The following UVRAG variants were observed in gnomAD, a reference collection of about 807,000 sequenced individuals.
UVRAG encodes UV radiation resistance associated, also known as UV radiation resistance-associated gene protein.
UVRAG carries 19 observed loss-of-function variants against 78.0 expected under a neutral mutation model. The observed-to-expected ratio is 0.24, with a 90% CI of 0.17 to 0.36. UVRAG has a LOEUF of 0.36. Ranked by LOEUF, UVRAG falls within the 10% of genes least tolerant of loss-of-function variation. The pLI is 1.00. For synonymous variants in UVRAG, 323 were observed against 324.6 expected, an observed-to-expected ratio of 1.00 and a Z score of 0.05; for missense variants, 740 against 853.8, an observed-to-expected ratio of 0.87 and a Z score of 1.66.
At chr11:75,819,735 G>A (rs1420158295) in intron 1 of UVRAG, among the ~76,000 whole-genome samples, 7 of 151,862 alleles carry the variant, frequency 4.6e-5, no homozygotes, top group Non-Finnish European at 1.0e-4. Context: ...TTGGGAGGCC[G>A]AGGCAGGCTG....
At chr11:76,003,336 A>T (rs1406542955) in intron 8 of UVRAG, among the ~76,000 whole-genome samples, 5 of 115,850 alleles carry the variant, frequency 4.3e-5, no homozygotes, top group African/African-American at 1.7e-4. Flanking sequence ...CAGTGTCATG[A>T]TCTTGGCTCA....
rs111534356 is a variant in UVRAG, at chr11:76,069,086, A to T, written c.1305+3298A>T. On this transcript the variant is annotated intron_variant, in intron 13 of 14. Coordinates refer to ENST00000356136, the MANE Select transcript of UVRAG (RefSeq NM_003369.4). ...GTCAATAGGACCTTTCATCACAACC[A>T]GAAGTAGTAGTAAAATCACTTTTTT... 1.7e-3 allele frequency among the ~76,000 whole-genome samples: 261 copies of T among 152,376 alleles called. 1 individual carries two copies. Among genetic ancestry groups the T allele is most frequent in the African/African-American group, 6.0e-3 (250 of 41,594 alleles).
intron 6 of UVRAG, among the ~76,000 whole-genome samples, chr11:75,949,064 G>A (rs1048496474): frequency 6.6e-6 from 1 of 152,186 alleles, no homozygotes; most frequent in Non-Finnish European, 1.5e-5. Flanking sequence ...TAAGAAACCA[G>A]TTAGGGGCTA....
At chr11:76,017,788 G>A (rs954792007) in intron 12 of UVRAG, among the ~76,000 whole-genome samples, 13 of 152,076 alleles carry the variant, frequency 8.5e-5, no homozygotes, top group Non-Finnish European at 1.3e-4. Context: ...TATACCCAGT[G>A]AAAATATTAT....
chr11:75,952,902 A>G (rs577042853), intron 6 of UVRAG, among the ~76,000 whole-genome samples: 1 of 152,184 alleles, frequency 6.6e-6, no homozygotes, highest in Admixed American at 6.5e-5. Flanking sequence ...CCTATGTGAG[A>G]AAATTTTTAA....
chr11:75,982,323 C>T (rs1230930692), intron 7 of UVRAG, among the ~76,000 whole-genome samples: 1 of 152,146 alleles, frequency 6.6e-6, no homozygotes, highest in Admixed American at 6.5e-5. Context: ...TAATACTGGC[C>T]AGGAGTGGCT....
chr11:75,935,072 T>C (rs1948339974), intron 6 of UVRAG: 1 of 152,216 alleles, frequency 6.6e-6, no homozygotes, highest in Non-Finnish European at 1.5e-5. Flanking sequence ...AAAGGTATTA[T>C]GATGTAGGGC....
intron 6 of UVRAG, among the ~76,000 whole-genome samples, chr11:75,948,941 C>T (rs982840111): frequency 4.6e-5 from 7 of 152,074 alleles, no homozygotes. Flanking sequence ...ATAAGGCAGG[C>T]GTTCTGGATG....
At chr11:75,963,293 ATT>A (rs1182885173) in intron 7 of UVRAG, among the ~76,000 whole-genome samples, 1 of 152,242 alleles carries the variant, frequency 6.6e-6, no homozygotes. Context: ...TATTTGTTGA[ATT>A]TAAGAATGAA....
In UVRAG at chr11:75,867,464, A is replaced by G. The variant is rs1946562371; in HGVS notation, c.270+5684A>G. 8.5e-5 allele frequency among the ~76,000 whole-genome samples: 13 copies of G among 152,222 alleles called. No homozygotes were observed. The South Asian group carries it at 2.5e-3, about 29-fold the overall frequency. On this transcript the variant is annotated intron_variant, in intron 3 of 14. Coordinates refer to ENST00000356136, the MANE Select transcript of UVRAG (RefSeq NM_003369.4). ...AAGATTCATTTATTTTTTGGGACGTATTTGTGGTTTGTTTGCTCTATAATA... is the reference window on the plus strand; with the variant it reads ...AAGATTCATTTATTTTTTGGGACGTGTTTGTGGTTTGTTTGCTCTATAATA...
At chr11:76,122,430 A>G (rs539315842) in intron 14 of UVRAG, among the ~76,000 whole-genome samples, 19 of 152,344 alleles carry the variant, frequency 1.2e-4, no homozygotes, top group African/African-American at 4.6e-4. Context: ...TGCCTGCCTC[A>G]ATCCCTTTCC....
chr11:76,140,624 A>C (rs912708877), intron 14 of UVRAG, 87 bp from the exon 15 acceptor site: 1 of 1,286,978 alleles, frequency 7.8e-7, no homozygotes, highest in Non-Finnish European at 1.1e-6. Context: ...CTCAGACCTA[A>C]GTATGCTGTT....
At chr11:75,888,329 A>G (rs72999555) in intron 4 of UVRAG, among the ~76,000 whole-genome samples, 1,793 of 152,020 alleles carry the variant, frequency 0.012, 25 homozygotes, top group Non-Finnish European at 0.014. Context: ...TTATTTGTAG[A>G]GAAGAGGTCT....
At chr11:76,020,078 A>G (rs951980892) in intron 12 of UVRAG, among the ~76,000 whole-genome samples, 2 of 152,016 alleles carry the variant, frequency 1.3e-5, no homozygotes, top group Non-Finnish European at 2.9e-5. Context: ...CCCTCTCCTT[A>G]TTATACGCAG....
intron 1 of UVRAG, among the ~76,000 whole-genome samples, chr11:75,826,191 C>G (rs1443102855): frequency 4.0e-5 from 6 of 150,068 alleles, no homozygotes; most frequent in African/African-American, 1.2e-4. Flanking sequence ...GAGTCTTGCT[C>G]TGTCGCTAGG....
chr11:76,062,467 T>C (rs747742870), intron 12 of UVRAG, among the ~76,000 whole-genome samples: 16 of 152,272 alleles, frequency 1.1e-4, no homozygotes, highest in East Asian at 3.9e-4. Context: ...CATATACCAT[T>C]CACTTTGGTT....
At chr11:76,031,674 C>T (rs769090095) in intron 12 of UVRAG, among the ~76,000 whole-genome samples, 5 of 152,184 alleles carry the variant, frequency 3.3e-5, no homozygotes, top group Middle Eastern at 3.4e-3. Flanking sequence ...TTCTAGTTTT[C>T]GGTATACTCA....
chr11:75,823,678 C>G (rs1317240581), intron 1 of UVRAG, among the ~76,000 whole-genome samples: 1 of 152,222 alleles, frequency 6.6e-6, no homozygotes, highest in South Asian at 2.1e-4. Context: ...GGACTACAAT[C>G]TAGGTGTTTC....
chr11:76,025,621 T>G (rs868644924), intron 12 of UVRAG, among the ~76,000 whole-genome samples: 1 of 152,192 alleles, frequency 6.6e-6, no homozygotes, highest in Admixed American at 6.6e-5. Flanking sequence ...TGTGTACTTA[T>G]GTTTGTTCCT....
Sources: gnomAD v4.1 joint callset for allele counts (sites outside exome capture counted in the v4.1 genomes callset) on GRCh38, gnomAD v4.1.1 for gene constraint, MANE v1.5 for transcripts, NCBI Gene and HGNC (gene_info 2026-07-23, HGNC 2026-07-21) for gene names.